SMYD3: variants seen among roughly 807,000 people sequenced by gnomAD.
The protein encoded by SMYD3 is histone-lysine N-methyltransferase SMYD3.
Under a neutral mutation model 57.7 loss-of-function variants are expected in SMYD3, and 36 were observed. The ratio of observed to expected loss-of-function variants is 0.62; its 90% confidence interval spans 0.48 to 0.82. The LOEUF is 0.82. Among genes scored for constraint, SMYD3 ranks in the 40% least tolerant of loss-of-function variants. The pLI, the probability that SMYD3 is intolerant of heterozygous loss-of-function variation, is 0.00. For synonymous variants in SMYD3, 211 were observed against 195.0 expected, an observed-to-expected ratio of 1.08 and a Z score of -0.68; for missense variants, 515 against 538.8, an observed-to-expected ratio of 0.96 and a Z score of 0.44.
intron 10 of SMYD3, among the ~76,000 whole-genome samples, chr1:245,816,495 TGA>T (rs1427465102): frequency 1.5e-5 from 2 of 129,490 alleles, no homozygotes; most frequent in Non-Finnish European, 3.1e-5. Flanking sequence ...CCATCTATTA[TGA>T]GAGGTCCCCT....
At chr1:246,375,889 C>T (rs894683212) in intron 1 of SMYD3, among the ~76,000 whole-genome samples, 3 of 151,940 alleles carry the variant, frequency 2.0e-5, no homozygotes, top group Admixed American at 6.6e-5. Flanking sequence ...ACCACCACGC[C>T]TGGCTCATTT....
At chr1:246,453,515 A>G (rs1286441107) in intron 1 of SMYD3, among the ~76,000 whole-genome samples, 1 of 152,232 alleles carries the variant, frequency 6.6e-6, no homozygotes, top group African/African-American at 2.4e-5. Flanking sequence ...AAATAACTAG[A>G]AATAAAAATA....
At chr1:246,132,908 A>T (rs543281988) in intron 5 of SMYD3, among the ~76,000 whole-genome samples, 8 of 152,282 alleles carry the variant, frequency 5.3e-5, no homozygotes, top group African/African-American at 1.9e-4. Context: ...TCATTAGGGA[A>T]ATGCATATTG....
chr1:246,372,368 T>A (rs1215164086), intron 1 of SMYD3, among the ~76,000 whole-genome samples: 5 of 152,140 alleles, frequency 3.3e-5, no homozygotes, highest in African/African-American at 1.2e-4. Flanking sequence ...ATCTTTTTAT[T>A]CTATTTTTTT....
intron 1 of SMYD3, among the ~76,000 whole-genome samples, chr1:246,474,713 G>A (rs1452253977): frequency 1.3e-5 from 2 of 152,062 alleles, no homozygotes; most frequent in Non-Finnish European, 2.9e-5. Context: ...GCAACTCCAA[G>A]GTTTATGGAA....
At chr1:246,011,176 T>G (rs2059275158) in intron 5 of SMYD3, among the ~76,000 whole-genome samples, 1 of 152,220 alleles carries the variant, frequency 6.6e-6, no homozygotes, top group South Asian at 2.1e-4. Context: ...GTGATCTGAA[T>G]TCCCCATTTC....
At chr1:246,204,628 T>C (rs1468053271) in intron 5 of SMYD3, among the ~76,000 whole-genome samples, 1 of 152,248 alleles carries the variant, frequency 6.6e-6, no homozygotes, top group Non-Finnish European at 1.5e-5. Flanking sequence ...ATGTCACATA[T>C]ATACTCTTAC....
intron 5 of SMYD3, among the ~76,000 whole-genome samples, chr1:246,024,011 G>A (rs1456436427): frequency 1.3e-5 from 2 of 152,056 alleles, no homozygotes; most frequent in Non-Finnish European, 2.9e-5. Flanking sequence ...TTAGGTGGGA[G>A]GGGATAAAAT....
chr1:246,119,390 A>G (rs2061389782), intron 5 of SMYD3, among the ~76,000 whole-genome samples: 1 of 150,842 alleles, frequency 6.6e-6, no homozygotes, highest in African/African-American at 2.5e-5. Context: ...CTGTAACTAA[A>G]ACACTCACTC....
intron 2 of SMYD3, among the ~76,000 whole-genome samples, chr1:246,352,474 T>C (rs909124639): frequency 3.3e-5 from 5 of 152,262 alleles, no homozygotes; most frequent in South Asian, 2.1e-4. Context: ...ATAATTACAA[T>C]GTTTAATGTT....
intron 5 of SMYD3, among the ~76,000 whole-genome samples, chr1:246,190,750 GA>G (rs980858419): frequency 2.0e-5 from 3 of 151,974 alleles, no homozygotes; most frequent in Admixed American, 2.0e-4. Flanking sequence ...CTAAATAATA[GA>G]AGATAGTCGA....
intron 1 of SMYD3, among the ~76,000 whole-genome samples, chr1:246,401,315 A>C (rs2066764512): frequency 6.6e-6 from 1 of 152,030 alleles, no homozygotes; most frequent in African/African-American, 2.4e-5. Flanking sequence ...TGGGCAACAC[A>C]GCAAGACCCC....
At chr1:245,919,126 C>T (rs2055672436) in intron 7 of SMYD3, among the ~76,000 whole-genome samples, 1 of 152,164 alleles carries the variant, frequency 6.6e-6, no homozygotes, top group Non-Finnish European at 1.5e-5. Flanking sequence ...AACTGGCTTC[C>T]CCGCTGCCTG....
chr1:246,318,615 A>C (rs1414655651), intron 5 of SMYD3, among the ~76,000 whole-genome samples: 1 of 152,200 alleles, frequency 6.6e-6, no homozygotes, highest in Non-Finnish European at 1.5e-5. Flanking sequence ...CTAAAGGAAA[A>C]GCCAAAGCAA....
intron 5 of SMYD3, among the ~76,000 whole-genome samples, chr1:245,970,259 T>G (rs915166395): frequency 6.6e-6 from 1 of 152,214 alleles, no homozygotes; most frequent in Non-Finnish European, 1.5e-5. Context: ...GCTAGCCACA[T>G]GTAGAAAGGG....
At chr1:246,179,699 C>T (rs568752701) in intron 5 of SMYD3, among the ~76,000 whole-genome samples, 59 of 152,284 alleles carry the variant, frequency 3.9e-4, no homozygotes, top group Middle Eastern at 3.4e-3. Context: ...TTTCTCAAAA[C>T]CCATCTTAAC....
chr1:246,274,020 G>C (rs1020562843), intron 5 of SMYD3, among the ~76,000 whole-genome samples: 1 of 151,908 alleles, frequency 6.6e-6, no homozygotes, highest in African/African-American at 2.4e-5. Flanking sequence ...CACTAATTTT[G>C]GTATTAACTT....
At chr1:246,488,145 G>A (rs554180527) in intron 1 of SMYD3, among the ~76,000 whole-genome samples, 12 of 152,244 alleles carry the variant, frequency 7.9e-5, no homozygotes, top group South Asian at 4.1e-4. Flanking sequence ...ATCTGTGACC[G>A]AAAAATTATT....
At chr1:246,331,278 G>A (rs1420962347) in intron 3 of SMYD3, among the ~76,000 whole-genome samples, 1 of 152,160 alleles carries the variant, frequency 6.6e-6, no homozygotes, top group Non-Finnish European at 1.5e-5. Flanking sequence ...TTATGAAAAA[G>A]GGCCGAAGAA....
Sources: allele counts gnomAD v4.1 joint callset (sites outside exome capture counted in the v4.1 genomes callset), GRCh38; gene constraint gnomAD v4.1.1; transcripts MANE v1.5; gene names NCBI Gene and HGNC (gene_info 2026-07-23, HGNC 2026-07-21).